DPY30: variants seen among roughly 807,000 people sequenced by gnomAD.
The protein encoded by DPY30 is protein dpy-30 homolog.
Under a neutral mutation model 16.2 loss-of-function variants are expected in DPY30, and 6 were observed. The ratio of observed to expected loss-of-function variants is 0.37; its 90% CI spans 0.20 to 0.73. The LOEUF is 0.73. Ranked by LOEUF, DPY30 falls within the 30% of genes least tolerant of loss-of-function variation. DPY30 has a pLI of 0.51. For synonymous variants in DPY30, 39 were observed against 38.8 expected (o/e 1.00, Z -0.02); for missense variants, 73 against 113.1 (o/e 0.65, Z 1.61).
exon 6 of DPY30, chr2:32,011,950 G>C (rs1674939504): frequency 6.6e-6 from 1 of 152,160 alleles, no homozygotes; most frequent in Admixed American, 6.6e-5. Context: ...TAGCTACTTG[G>C]TAGGCGGAGG....
At chr2:32,026,600 A>G (rs1259273848) in intron 4 of DPY30, among the ~76,000 whole-genome samples, 1 of 152,048 alleles carries the variant, frequency 6.6e-6, no homozygotes, top group Non-Finnish European at 1.5e-5. Context: ...AGACCAGCCT[A>G]ATCAACATGG....
At chr2:32,023,397 A>G (rs1294828527), downstream of DPY30, 4 of 464,452 alleles carry the variant, frequency 8.6e-6, no homozygotes, top group Middle Eastern at 3.8e-4. Flanking sequence ...TTGGTAGAAC[A>G]GGATTTGAAT....
intron 3 of DPY30, among the ~76,000 whole-genome samples, chr2:32,035,276 C>G (rs1351422072): frequency 1.3e-5 from 2 of 151,910 alleles, no homozygotes. Flanking sequence ...GAGCAAGACT[C>G]GGTCTTAAAA....
At chr2:32,013,464 A>G (rs1304023842) in intron 5 of DPY30, 3 of 152,214 alleles carry the variant, frequency 2.0e-5, no homozygotes, top group Non-Finnish European at 4.4e-5. Flanking sequence ...ACTCAAGTAT[A>G]CCCTTGAAAG....
intron 4 of DPY30, among the ~76,000 whole-genome samples, chr2:32,024,518 A>T (rs1260092160): frequency 6.6e-6 from 1 of 152,214 alleles, no homozygotes; most frequent in African/African-American, 2.4e-5. Context: ...TGTATTGACA[A>T]TGGGATGATC....
At chr2:32,025,733 G>T (rs572111367) in intron 4 of DPY30, among the ~76,000 whole-genome samples, 1 of 148,592 alleles carries the variant, frequency 6.7e-6, no homozygotes, top group South Asian at 2.1e-4. Flanking sequence ...CTGCCCTCCA[G>T]CCTGCCGCAA....
At chr2:32,031,851 C>T (rs774872058) in intron 3 of DPY30, among the ~76,000 whole-genome samples, 3 of 151,604 alleles carry the variant, frequency 2.0e-5, no homozygotes, top group Non-Finnish European at 4.4e-5. Flanking sequence ...CAAGATTGCG[C>T]CACTGCACTC....
intron 3 of DPY30, among the ~76,000 whole-genome samples, chr2:32,038,534 T>C (rs1227816139): frequency 2.0e-5 from 3 of 150,842 alleles, no homozygotes; most frequent in African/African-American, 7.3e-5. Context: ...ATACTCTCAC[T>C]CCAGCCCAGG....
At chr2:32,036,454 G>A (rs761938040) in intron 3 of DPY30, among the ~76,000 whole-genome samples, 2 of 151,992 alleles carry the variant, frequency 1.3e-5, no homozygotes, top group East Asian at 3.9e-4. Flanking sequence ...GGCGGATCAC[G>A]AGGTCAGGAG....
At chr2:32,019,736 C>A (rs1675135117), downstream of DPY30, among the ~76,000 whole-genome samples, 1 of 149,180 alleles carries the variant, frequency 6.7e-6, no homozygotes, top group African/African-American at 2.5e-5. Flanking sequence ...AGGAGATTTG[C>A]TTGAACCCAG....
chr2:32,029,028 T>C (rs2148661284), intron 4 of DPY30, among the ~76,000 whole-genome samples: 1 of 151,950 alleles, frequency 6.6e-6, no homozygotes, highest in South Asian at 2.1e-4. Flanking sequence ...TCCCAGAACT[T>C]TGGAAGGCTG....
chr2:32,015,034 C>T (rs984481436), intron 5 of DPY30, among the ~76,000 whole-genome samples: 1 of 151,776 alleles, frequency 6.6e-6, no homozygotes, highest in Non-Finnish European at 1.5e-5. Flanking sequence ...CAATGTATAT[C>T]TTTGCATATC....
intron 5 of DPY30, among the ~76,000 whole-genome samples, chr2:32,018,707 G>A (rs1266114720): frequency 6.6e-6 from 1 of 151,408 alleles, no homozygotes; most frequent in East Asian, 1.9e-4. Context: ...GCGAGAGAGC[G>A]AGACTCCATC....
At chr2:32,016,945 C>T (rs554318090) in intron 5 of DPY30, among the ~76,000 whole-genome samples, 7 of 152,146 alleles carry the variant, frequency 4.6e-5, no homozygotes, top group Middle Eastern at 6.8e-3. Context: ...TGCAATGGCG[C>T]GATCTCGGTT....
chr2:32,018,961 G>A (rs1572987609), downstream of DPY30, among the ~76,000 whole-genome samples: 1 of 152,140 alleles, frequency 6.6e-6, no homozygotes, highest in African/African-American at 2.4e-5. Flanking sequence ...AGGAGGTCAA[G>A]GCTGCAGTGA....
chr2:32,024,303 G>T (rs1367325577), intron 4 of DPY30, 47 bp from the exon 5 acceptor site: 1 of 1,365,686 alleles, frequency 7.3e-7, no homozygotes, highest in Non-Finnish European at 1.0e-6. Context: ...TTTCCTAGGT[G>T]TGTTAATTTA....
At chr2:32,027,724 G>A (rs952016583) in intron 4 of DPY30, among the ~76,000 whole-genome samples, 11 of 150,092 alleles carry the variant, frequency 7.3e-5, no homozygotes, top group African/African-American at 2.5e-4. Context: ...CGCCTCCCGG[G>A]TTCACGCCAT....
chr2:32,013,731 C>T (rs138576296), intron 5 of DPY30, among the ~76,000 whole-genome samples: 1 of 152,260 alleles, frequency 6.6e-6, no homozygotes, highest in Non-Finnish European at 1.5e-5. Flanking sequence ...GAAGGCAGGC[C>T]GGGCGCGGTG....
At chr2:32,036,167 G>A (rs1388214155) in intron 3 of DPY30, among the ~76,000 whole-genome samples, 2 of 150,944 alleles carry the variant, frequency 1.3e-5, no homozygotes, top group Non-Finnish European at 3.0e-5. Context: ...TTTTTTAGAT[G>A]GGGTCTCACT....
Sources: gnomAD v4.1 joint callset for allele counts (sites outside exome capture counted in the v4.1 genomes callset) on GRCh38, gnomAD v4.1.1 for gene constraint, MANE v1.5 for transcripts, NCBI Gene and HGNC (gene_info 2026-07-23, HGNC 2026-07-21) for gene names.